The following C10orf90 variants were observed in gnomAD, a reference collection of about 807,000 sequenced individuals.
C10orf90 encodes the protein chromosome 10 open reading frame 90.
C10orf90 carries 56 observed loss-of-function variants against 62.5 expected under a neutral mutation model. The observed-to-expected ratio is 0.90, with a 90% confidence interval of 0.72 to 1.12. C10orf90 has a LOEUF of 1.12. C10orf90 is among the 50% of genes most tolerant of loss of function. The pLI, the probability that C10orf90 is intolerant of heterozygous loss-of-function variation, is 0.00. For synonymous variants in C10orf90, 386 were observed against 340.4 expected (o/e 1.13, Z -1.47); for missense variants, 970 against 880.4 (o/e 1.10, Z -1.29).
intron 4 of C10orf90, among the ~76,000 whole-genome samples, chr10:126,498,165 C>T (rs1862172855): frequency 6.6e-6 from 1 of 152,174 alleles, no homozygotes; most frequent in Admixed American, 6.5e-5. Context: ...GTGGTGGAAG[C>T]TCTGCAGGGT....
intron 3 of C10orf90, among the ~76,000 whole-genome samples, chr10:126,507,763 G>A (rs918932144): frequency 2.0e-5 from 3 of 152,132 alleles, no homozygotes; most frequent in Admixed American, 2.0e-4. Flanking sequence ...TCCTGGGCAG[G>A]GAGGCCCAGG....
At chr10:126,503,625 T>C (rs1862527942) in intron 4 of C10orf90, among the ~76,000 whole-genome samples, 1 of 152,178 alleles carries the variant, frequency 6.6e-6, no homozygotes, top group Non-Finnish European at 1.5e-5. Context: ...ATTTCATTCT[T>C]CTCACCCTCT....
chr10:126,609,930 T>G lies in C10orf90; in HGVS notation c.313+36635A>C, dbSNP rs190889953. ...TCTCCCCAGAATTGTTCTTCTTGCC[T>G]GGGTAGACCTATTAAGGCCGCTCAC... On this transcript the variant is annotated intron_variant, in intron 2 of 9. Transcript: ENST00000488181. Among the ~76,000 whole-genome samples the G allele has an allele frequency of 3.0e-3, 464 of 152,288 alleles. 1 individual carries two copies. The highest frequency in any genetic ancestry group is 5.1e-3 in the Non-Finnish European group (345 of 68,016).
chr10:126,666,825 A>C (rs911032179), intron 1 of C10orf90, among the ~76,000 whole-genome samples: 3 of 151,646 alleles, frequency 2.0e-5, no homozygotes, highest in African/African-American at 7.3e-5. Flanking sequence ...AAAAGTACAA[A>C]AAAAATTAGC....
At chr10:126,607,900 C>A (rs979722190) in intron 2 of C10orf90, among the ~76,000 whole-genome samples, 2 of 152,094 alleles carry the variant, frequency 1.3e-5, no homozygotes, top group Admixed American at 6.5e-5. Flanking sequence ...AGGACAAATA[C>A]CGTATGATTC....
chr10:126,512,172 A>T (rs1863146096), intron 3 of C10orf90: 2 of 152,116 alleles, frequency 1.3e-5, no homozygotes, highest in Non-Finnish European at 2.9e-5. Flanking sequence ...GATAATCCAG[A>T]TGATTCCAGA....
chr10:126,667,793 T>C (rs1846662666), intron 1 of C10orf90, among the ~76,000 whole-genome samples: 1 of 152,212 alleles, frequency 6.6e-6, no homozygotes, highest in Non-Finnish European at 1.5e-5. Flanking sequence ...GCTACATTGA[T>C]GTCTGAAATT....
chr10:126,459,487 T>C (rs7098669), intron 6 of C10orf90, among the ~76,000 whole-genome samples: 70,831 of 152,080 alleles, frequency 0.47, 19,253 homozygotes, highest in African/African-American at 0.76. Flanking sequence ...AAGCTGGGAG[T>C]GCAGAGGCAA....
intron 4 of C10orf90, among the ~76,000 whole-genome samples, chr10:126,468,952 A>G (rs1177674243): frequency 1.3e-5 from 2 of 152,204 alleles, no homozygotes; most frequent in Non-Finnish European, 2.9e-5. Context: ...CTCCAAATGT[A>G]CAAATCTTCG....
chr10:126,429,027 GTTTC>G (rs906017324), intron 8 of C10orf90, among the ~76,000 whole-genome samples: 1 of 152,050 alleles, frequency 6.6e-6, no homozygotes, highest in Non-Finnish European at 1.5e-5. Flanking sequence ...TATTTCAATG[GTTTC>G]TTTAAGTGCG....
At chr10:126,526,023 A>AACACACACACACACAC (rs3040780) in intron 2 of C10orf90, among the ~76,000 whole-genome samples, 378 of 139,026 alleles carry the variant, frequency 2.7e-3, no homozygotes, top group African/African-American at 9.6e-3. Context: ...CACCTGCCAC[A>AACACACACACACACAC]ACACACACAC....
At chr10:126,524,378 T>C (rs2133946333) in intron 2 of C10orf90, 1 of 152,504 alleles carries the variant, frequency 6.6e-6, no homozygotes, top group South Asian at 2.1e-4. Context: ...GACATCAATA[T>C]GCCAGGAAGA....
intron 4 of C10orf90, among the ~76,000 whole-genome samples, chr10:126,502,026 A>T (rs577076230): frequency 6.7e-6 from 1 of 148,590 alleles, no homozygotes; most frequent in East Asian, 2.0e-4. Context: ...CCATACACAC[A>T]CACCACACAA....
At chr10:126,521,642 T>C (rs996034459) in intron 2 of C10orf90, among the ~76,000 whole-genome samples, 2 of 152,220 alleles carry the variant, frequency 1.3e-5, no homozygotes, top group African/African-American at 4.8e-5. Flanking sequence ...ATGAGAGTTA[T>C]TTAAAAGTTT....
At chr10:126,643,145 A>G (rs1846098990) in intron 2 of C10orf90, among the ~76,000 whole-genome samples, 1 of 152,196 alleles carries the variant, frequency 6.6e-6, no homozygotes, top group Non-Finnish European at 1.5e-5. Flanking sequence ...CTCTTTGCCT[A>G]CCTAATAAAT....
chr10:126,596,741 A>G (rs2118110), intron 2 of C10orf90, among the ~76,000 whole-genome samples: 17,689 of 152,240 alleles, frequency 0.12, 1,893 homozygotes, highest in African/African-American at 0.26. Context: ...TTGTATGGGT[A>G]CCCGAAGTAT....
intron 2 of C10orf90, among the ~76,000 whole-genome samples, chr10:126,615,662 C>T (rs546574437): frequency 7.2e-5 from 11 of 152,056 alleles, no homozygotes; most frequent in South Asian, 2.1e-4. Flanking sequence ...GTAGTTACGA[C>T]GTGTAAGGCA....
At chr10:126,577,532 T>C (rs1467904832) in intron 2 of C10orf90, among the ~76,000 whole-genome samples, 1 of 151,912 alleles carries the variant, frequency 6.6e-6, no homozygotes, top group African/African-American at 2.4e-5. Flanking sequence ...AAAACACAAA[T>C]AAATGGAGGA....
At chr10:126,521,527 C>G (rs958110669) in intron 2 of C10orf90, 3 of 1,293,640 alleles carry the variant, frequency 2.3e-6, no homozygotes, top group African/African-American at 3.0e-5. Context: ...ACAGGGCAAC[C>G]AGGGGAGGTG....
Sources: allele counts gnomAD v4.1 joint callset (sites outside exome capture counted in the v4.1 genomes callset), GRCh38; gene constraint gnomAD v4.1.1; transcripts MANE v1.5; gene names NCBI Gene and HGNC (gene_info 2026-07-23, HGNC 2026-07-21).